Variants in PLEC observed in about 807,000 individuals in gnomAD.
PLEC encodes plectin.
A neutral mutation model predicts 392.8 loss-of-function variants in PLEC; 216 were observed. The ratio of observed to expected loss-of-function variants is 0.55; its 90% CI spans 0.49 to 0.62. The LOEUF is 0.62. PLEC is among the 20% of genes least tolerant of loss of function. The pLI, the probability that PLEC is intolerant of heterozygous loss-of-function variation, is 0.00. For missense variants in PLEC, 6,863 were observed against 6,563.4 expected, an observed-to-expected ratio of 1.05 and a Z score of -1.58; for synonymous variants, 3,621 against 2,980.6, an observed-to-expected ratio of 1.21 and a Z score of -7.00.
At chr8:143,931,801 G>C (rs1827343036) in intron 18 of PLEC, 136 bp downstream of exon 18, 2 of 1,463,486 alleles carry the variant, frequency 1.4e-6, no homozygotes, top group African/African-American at 1.4e-5. Flanking sequence ...CCCTGTCCAA[G>C]GCCCCGGTCA....
chr8:143,958,133 C>G (rs1415141656), upstream of PLEC, among the ~76,000 whole-genome samples: 28 of 150,840 alleles, frequency 1.9e-4, no homozygotes, highest in Admixed American at 1.7e-3. The surrounding 1 kb of genome is among the most constrained non-coding windows in gnomAD (Gnocchi z 4.9). Flanking sequence ...CTTGGCCCAA[C>G]AACAGCCCGG....
chr8:143,927,057 A>C lies in PLEC; in HGVS notation c.3865T>G (p.Tyr1289Asp). 6.2e-7 allele frequency: 1 copy of C among 1,611,714 alleles called. No homozygotes were observed. Among genetic ancestry groups the C allele is most frequent in the Non-Finnish European group, 8.5e-7 (1 of 1,179,958 alleles). Residue 1289 changes from tyrosine to aspartate, a missense_variant, in exon 29 of 32, where the codon TAC becomes GAC. Physicochemically the swap from Tyr to Asp is radical, Grantham distance 160 (BLOSUM62 -3). Transcript: ENST00000345136. ...GCCACCGGCTCAAGCTGCGCCTTGT[A>C]CGTCACCAGCTGGAGTTCATAGTCC... ...IKDYELQLVTYKAQLEPVASP... is the reference protein window; with the variant it reads ...IKDYELQLVTDKAQLEPVASP...
chr8:143,946,412 C>G (rs1831481623), intron 1 of PLEC: 2 of 1,287,006 alleles, frequency 1.6e-6, no homozygotes, highest in Admixed American at 4.6e-5. Context: ...ACAGGCCAGG[C>G]TGCTCCGAGA....
At chr8:143,958,172 A>T (rs1329824468), upstream of PLEC, among the ~76,000 whole-genome samples, 4 of 151,936 alleles carry the variant, frequency 2.6e-5, no homozygotes, top group East Asian at 7.8e-4. This position sits in a 1 kb window ranked among gnomAD's most constrained non-coding sequence, Gnocchi z 4.9. Context: ...GACAGGTGGG[A>T]GGAGAGCCTT....
At position 143,916,759 on chromosome 8, in the gene PLEC, C is replaced by T. The variant is rs1820708197; in HGVS notation, c.13062G>A (p.Lys4354=). The T allele has an allele frequency of 3.7e-6, 6 of 1,613,204 alleles. No homozygotes were observed. In the South Asian group the frequency reaches 5.5e-5, roughly 15 times the overall value. Residue 4354 remains lysine, a synonymous_variant, in exon 32 of 32, where the codon AAG becomes AAA. Coordinates refer to ENST00000345136, the MANE Select transcript of PLEC (RefSeq NM_201384.3). ...IMVDRINLAQ[K]AFCGFEDPRT... ...GTGGGTCCTCGAAGCCGCAGAAGGC[C>T]TTCTGGGCCAGGTTGATGCGGTCCA...
chr8:143,926,392 C>T (rs1320309686), intron 30 of PLEC, among the ~76,000 whole-genome samples: 1 of 152,204 alleles, frequency 6.6e-6, no homozygotes, highest in African/African-American at 2.4e-5. Flanking sequence ...AGGGAGAAGC[C>T]AACAGATGGG....
chr8:143,957,909 G>C (rs1288390665), upstream of PLEC, among the ~76,000 whole-genome samples: 1 of 151,954 alleles, frequency 6.6e-6, no homozygotes, highest in East Asian at 1.9e-4. Context: ...CCATGCAGAG[G>C]CGACCTGCGA....
At chr8:143,959,796 A>T (rs1554740238) in intron 1 of PLEC, among the ~76,000 whole-genome samples, 1 of 151,832 alleles carries the variant, frequency 6.6e-6, no homozygotes, top group Non-Finnish European at 1.5e-5. Flanking sequence ...GGAGATTGAG[A>T]CCATCCTGGC....
At position 143,936,922 on chromosome 8, in the gene PLEC, C is replaced by T. The variant is rs1248373638; in HGVS notation, c.435+57G>A. ...CGGATCAACCCGCCAGCCAAGGAGCCCAGGCTACCCTGGAAACTCCTGCAG... is the reference window on the plus strand; with the variant it reads ...CGGATCAACCCGCCAGCCAAGGAGCTCAGGCTACCCTGGAAACTCCTGCAG... On this transcript the variant is annotated intron_variant, in intron 5 of 31. Coordinates refer to ENST00000345136, the MANE Select transcript of PLEC (RefSeq NM_201384.3). 16 of 1,373,630 alleles carry T rather than the reference C, an allele frequency of 1.2e-5. No homozygotes were observed. The African/African-American group carries it at 1.8e-4, about 16-fold the overall frequency. The allele number at this position is 1,373,630 out of a possible 1,614,324, so 85.1% of individuals were successfully genotyped here.
Position 143,929,197 on chromosome 8 carries a change from G to A in PLEC, c.3166C>T (p.Pro1056Ser), listed in dbSNP as rs781916061. 3.1e-6 allele frequency: 5 copies of A among 1,601,918 alleles called. No individual in the cohort carries two copies. The highest frequency in any genetic ancestry group is 2.5e-6 in the Non-Finnish European group (3 of 1,177,416). Residue 1056 changes from proline to serine, a missense_variant, in exon 25 of 32, where the codon CCA (proline) becomes TCA (serine). Coordinates refer to ENST00000345136, the MANE Select transcript of PLEC (RefSeq NM_201384.3). ...EAEKVLALPE[P>S]SPAAPTLRSE... ...CGCAGCGTGGGGGCCGCAGGCGATG[G>A]CTCTGGTAGGGCCAAGACCTTCTCG...
chr8:143,954,447 T>A (rs148916486), upstream of PLEC, among the ~76,000 whole-genome samples: 120 of 152,292 alleles, frequency 7.9e-4, 1 homozygote, highest in African/African-American at 2.8e-3. The surrounding 1 kb of genome is among the most constrained non-coding windows in gnomAD (Gnocchi z 4.6). Context: ...AGCCTCAGGA[T>A]GCCCCACAGG....
Position 143,918,806 on chromosome 8 carries a change from C to T in PLEC, c.11015G>A (p.Ser3672Asn), listed in dbSNP as rs782767733. 2 of 1,613,096 alleles carry T rather than the reference C, an allele frequency of 1.2e-6. No individual in the cohort carries two copies. The highest frequency in any genetic ancestry group is 1.3e-5 in the African/African-American group (1 of 74,948). ...CTCCGCCTCGAGAGCCTCACGGAGG[C>T]TCCTGGTGCCCTCCCGGAGCAGGTT... ...TYNLLREGTR[S>N]LREALEAESA... The change falls in exon 32 of 32, where the codon AGC (serine) becomes AAC (asparagine). Residue 3672 changes from serine to asparagine, a missense_variant. Coordinates refer to ENST00000345136, the MANE Select transcript of PLEC (RefSeq NM_201384.3).
intron 1 of PLEC, among the ~76,000 whole-genome samples, chr8:143,968,915 G>A (rs1177409324): frequency 3.9e-5 from 6 of 152,214 alleles, no homozygotes; most frequent in African/African-American, 1.4e-4. Flanking sequence ...TGGGCATGCA[G>A]AATGGCACGC....
chr8:143,939,664 C>A (rs1355894020), upstream of PLEC: 5 of 1,405,034 alleles, frequency 3.6e-6, no homozygotes, highest in Admixed American at 1.5e-4. Context: ...GAGGCCCCAC[C>A]CTGCCCAGGC....
chr8:143,963,963 C>T (rs905986186), intron 1 of PLEC, among the ~76,000 whole-genome samples: 3 of 152,036 alleles, frequency 2.0e-5, no homozygotes, highest in African/African-American at 7.2e-5. Flanking sequence ...TTGGTGTGTA[C>T]TACCATGACT....
upstream of PLEC, chr8:143,973,574 C>G: frequency 1.0e-6 from 1 of 999,354 alleles, no homozygotes; most frequent in Non-Finnish European, 1.2e-6. The surrounding 1 kb of genome is among the most constrained non-coding windows in gnomAD (Gnocchi z 5.6). Flanking sequence ...GCCCCCGCCC[C>G]GCCCCCGCCC....
At chr8:143,949,448 C>T (rs1554734073) in intron 1 of PLEC, among the ~76,000 whole-genome samples, 1 of 152,156 alleles carries the variant, frequency 6.6e-6, no homozygotes, top group East Asian at 1.9e-4. Flanking sequence ...AGAGGGAGGC[C>T]ACAGAGAAGG....
At position 143,922,943 on chromosome 8, in the gene PLEC, G is replaced by A. The variant is rs542830621; in HGVS notation, c.6986C>T (p.Ala2329Val). 13 of 1,607,588 alleles carry A rather than the reference G, an allele frequency of 8.1e-6. No individual in the cohort carries two copies. The highest frequency in any genetic ancestry group is 1.7e-4 in the Middle Eastern group (1 of 6,046). The change falls in exon 31 of 32, where the codon GCG (alanine) becomes GTG (valine). Residue 2329 changes from alanine to valine, a missense_variant. By Grantham distance (64) the Ala-to-Val change is moderately conservative. Coordinates refer to ENST00000345136, the MANE Select transcript of PLEC (RefSeq NM_201384.3). ...CTCCTTCTGCTGCTGCAGCAGTTCC[G>A]CCTCAGCCTTGAGTCGCGTGGCCTC... ...VQEATRLKAE[A>V]ELLQQQKELA...
In PLEC at chr8:143,933,252, C is replaced by T. The variant is rs576247373; in HGVS notation, c.1363G>A (p.Asp455Asn). ...ADSMIRLLFN[D>N]VQTLKDGRHP... ...CGTCCATCCTTGAGGGTCTGCACGT[C>T]GTTGAAGAGCAGCCGGATCATGCTA... Residue 455 changes from aspartate to asparagine, a missense_variant, in exon 13 of 32, where the codon GAC becomes AAC. Physicochemically the swap from Asp to Asn is conservative, Grantham distance 23. Coordinates refer to ENST00000345136, the MANE Select transcript of PLEC (RefSeq NM_201384.3). The T allele has an allele frequency of 2.6e-5, 42 of 1,613,010 alleles. No homozygotes were observed. Among genetic ancestry groups the T allele is most frequent in the East Asian group, 1.3e-4 (6 of 44,878 alleles).
Sources: allele counts gnomAD v4.1 joint callset (sites outside exome capture counted in the v4.1 genomes callset), GRCh38; gene constraint gnomAD v4.1.1; non-coding constraint Gnocchi (gnomAD v3.1); transcripts MANE v1.5; gene names NCBI Gene and HGNC (gene_info 2026-07-23, HGNC 2026-07-21).